AKAP19: variants seen among roughly 807,000 people sequenced by gnomAD.
AKAP19 encodes the protein A-kinase anchoring protein 19.
the AKAP19 span, among the ~76,000 whole-genome samples, chr2:189,902,076 AC>A: frequency 6.6e-5 from 10 of 152,068 alleles, no homozygotes; most frequent in African/African-American, 2.4e-4. Context: ...TTAGAACCAT[AC>A]TTTTTATAAT....
the AKAP19 span, among the ~76,000 whole-genome samples, chr2:189,961,203 C>T: frequency 1.3e-5 from 2 of 152,146 alleles, no homozygotes. Context: ...GAACCCACAC[C>T]CGTGTTCTTT....
At chr2:190,063,770 G>C in the AKAP19 span, among the ~76,000 whole-genome samples, 1 of 152,048 alleles carries the variant, frequency 6.6e-6, no homozygotes, top group African/African-American at 2.4e-5. Context: ...GCAGGGATTT[G>C]GGGTAAAGTC....
the AKAP19 span, among the ~76,000 whole-genome samples, chr2:190,061,988 G>T: frequency 6.6e-6 from 1 of 152,008 alleles, no homozygotes; most frequent in Non-Finnish European, 1.5e-5. Flanking sequence ...TTAAATTAAT[G>T]CTATGCAAGT....
chr2:190,056,878 A>G, the AKAP19 span: 1 of 227,124 alleles, frequency 4.4e-6, no homozygotes. Flanking sequence ...CCAATACTGT[A>G]TGTGGATTTT....
chr2:189,929,525 A>G, the AKAP19 span, among the ~76,000 whole-genome samples: 1 of 149,758 alleles, frequency 6.7e-6, no homozygotes, highest in Non-Finnish European at 1.5e-5. Context: ...GTAATATTAA[A>G]CCCCACTGTA....
the AKAP19 span, among the ~76,000 whole-genome samples, chr2:190,029,833 T>A: frequency 6.6e-6 from 1 of 152,106 alleles, no homozygotes; most frequent in East Asian, 1.9e-4. Flanking sequence ...TACACACCCA[T>A]GCATACACAC....
the AKAP19 span, among the ~76,000 whole-genome samples, chr2:189,928,182 A>G: frequency 6.6e-6 from 1 of 152,130 alleles, no homozygotes; most frequent in Non-Finnish European, 1.5e-5. Flanking sequence ...TGTTTCCTTC[A>G]GATTAGTATC....
the AKAP19 span, among the ~76,000 whole-genome samples, chr2:190,072,298 T>A: frequency 6.6e-6 from 1 of 152,182 alleles, no homozygotes; most frequent in Non-Finnish European, 1.5e-5. Flanking sequence ...GTTGAAAAAC[T>A]AACTGTAGGG....
At chr2:189,915,077 G>C in the AKAP19 span, among the ~76,000 whole-genome samples, 23,070 of 152,100 alleles carry the variant, frequency 0.15, 1,892 homozygotes, top group Middle Eastern at 0.19. Flanking sequence ...TGCCTAAAAA[G>C]AAAACGTAAT....
At chr2:190,121,860 A>G in the AKAP19 span, among the ~76,000 whole-genome samples, 11 of 152,174 alleles carry the variant, frequency 7.2e-5, no homozygotes, top group African/African-American at 2.2e-4. Flanking sequence ...TAGAGGCTTA[A>G]AATACCCATG....
chr2:190,037,755 G>A, the AKAP19 span, among the ~76,000 whole-genome samples: 6 of 152,130 alleles, frequency 3.9e-5, no homozygotes, highest in South Asian at 2.1e-4. Flanking sequence ...ATGTCTACCG[G>A]GGTTCAATTA....
the AKAP19 span, among the ~76,000 whole-genome samples, chr2:189,932,895 C>G: frequency 8.2e-3 from 1,240 of 152,082 alleles, 16 homozygotes; most frequent in African/African-American, 0.029. Context: ...CTTTCTCTAT[C>G]AACTGAGTAT....
At chr2:189,887,520 G>C in the AKAP19 span, among the ~76,000 whole-genome samples, 1 of 152,154 alleles carries the variant, frequency 6.6e-6, no homozygotes, top group Non-Finnish European at 1.5e-5. Context: ...GGGTCAAATG[G>C]TATTTCTGGT....
chr2:190,111,804 A>G, the AKAP19 span, among the ~76,000 whole-genome samples: 9 of 152,122 alleles, frequency 5.9e-5, no homozygotes, highest in South Asian at 1.7e-3. Flanking sequence ...CCTAAAAACA[A>G]TTGTTTTTTG....
the AKAP19 span, among the ~76,000 whole-genome samples, chr2:190,162,281 C>T: frequency 6.6e-6 from 1 of 152,180 alleles, no homozygotes; most frequent in South Asian, 2.1e-4. Context: ...TGCTTATACA[C>T]ATATTAATTT....
chr2:190,005,523 A>T, the AKAP19 span, among the ~76,000 whole-genome samples: 2 of 152,208 alleles, frequency 1.3e-5, no homozygotes, highest in Non-Finnish European at 2.9e-5. Flanking sequence ...CCTCAGCCTC[A>T]TTCCACTTCT....
At chr2:189,950,325 GC>G in the AKAP19 span, among the ~76,000 whole-genome samples, 2 of 127,828 alleles carry the variant, frequency 1.6e-5, no homozygotes, top group African/African-American at 6.1e-5. Flanking sequence ...ATGGCGCCCA[GC>G]CTTTTTTGTT....
the AKAP19 span, among the ~76,000 whole-genome samples, chr2:190,195,235 T>C: frequency 6.6e-6 from 1 of 152,220 alleles, no homozygotes; most frequent in Non-Finnish European, 1.5e-5. Flanking sequence ...AAGAAGGACA[T>C]CTTGCTTGCT....
At chr2:190,087,824 G>T in the AKAP19 span, among the ~76,000 whole-genome samples, 1,417 of 152,278 alleles carry the variant, frequency 9.3e-3, 22 homozygotes, top group African/African-American at 0.032. Flanking sequence ...TTTCTAGTCA[G>T]AATGGGACAA....
Sources: gnomAD v4.1 joint callset for allele counts (sites outside exome capture counted in the v4.1 genomes callset) on GRCh38, gnomAD v4.1.1 for gene constraint, MANE v1.5 for transcripts, NCBI Gene and HGNC (gene_info 2026-07-23, HGNC 2026-07-21) for gene names.